The following ARB2A variants were observed in gnomAD, a reference collection of about 807,000 sequenced individuals.
The protein encoded by ARB2A is cotranscriptional regulator ARB2A.
the ARB2A span, chr5:93,804,918 G>A: frequency 2.1e-6 from 2 of 955,476 alleles, no homozygotes; most frequent in Non-Finnish European, 2.5e-6. Flanking sequence ...TAAGTAACCA[G>A]AGATATATAA....
the ARB2A span, among the ~76,000 whole-genome samples, chr5:93,911,652 A>C: frequency 6.6e-6 from 1 of 151,552 alleles, no homozygotes; most frequent in African/African-American, 2.4e-5. Context: ...ACACACACAC[A>C]CATACACACA....
the ARB2A span, among the ~76,000 whole-genome samples, chr5:93,820,500 T>G: frequency 6.6e-6 from 1 of 152,218 alleles, no homozygotes; most frequent in African/African-American, 2.4e-5. Context: ...TGAGCCTGAA[T>G]TTTTTAAAAC....
the ARB2A span, among the ~76,000 whole-genome samples, chr5:94,078,896 T>C: frequency 1.3e-5 from 2 of 151,962 alleles, no homozygotes; most frequent in Non-Finnish European, 2.9e-5. Flanking sequence ...ATTATGAAGA[T>C]TACATGAAAA....
the ARB2A span, among the ~76,000 whole-genome samples, chr5:93,886,759 G>A: frequency 2.0e-5 from 3 of 151,650 alleles, no homozygotes; most frequent in African/African-American, 7.3e-5. Flanking sequence ...ACTGAAACGC[G>A]TGAAATGTCA....
At chr5:94,062,573 A>G in the ARB2A span, among the ~76,000 whole-genome samples, 1 of 152,130 alleles carries the variant, frequency 6.6e-6, no homozygotes, top group Non-Finnish European at 1.5e-5. Context: ...CTAGCCATGC[A>G]AGAGCTCCTC....
the ARB2A span, among the ~76,000 whole-genome samples, chr5:93,966,399 C>A: frequency 1.3e-5 from 2 of 152,014 alleles, no homozygotes; most frequent in African/African-American, 4.8e-5. Flanking sequence ...ACAGCTCTTA[C>A]TAGGTACATC....
At chr5:94,008,746 A>G in the ARB2A span, among the ~76,000 whole-genome samples, 1 of 152,130 alleles carries the variant, frequency 6.6e-6, no homozygotes, top group African/African-American at 2.4e-5. Flanking sequence ...GCTTTTCTTC[A>G]CACAAAAATA....
At chr5:93,991,480 T>C in the ARB2A span, among the ~76,000 whole-genome samples, 1 of 151,634 alleles carries the variant, frequency 6.6e-6, no homozygotes. Context: ...CCAGAAGTGA[T>C]AGAGATTATG....
the ARB2A span, among the ~76,000 whole-genome samples, chr5:93,885,955 T>C: frequency 6.6e-6 from 1 of 151,718 alleles, no homozygotes; most frequent in African/African-American, 2.4e-5. Flanking sequence ...CAGAGAGATC[T>C]AAAACAAACA....
chr5:93,793,401 G>A, the ARB2A span, among the ~76,000 whole-genome samples: 1 of 151,784 alleles, frequency 6.6e-6, no homozygotes, highest in African/African-American at 2.4e-5. Context: ...TTTAACTCCA[G>A]ATCCCGTCTT....
At chr5:93,861,607 T>A in the ARB2A span, 4 of 152,290 alleles carry the variant, frequency 2.6e-5, no homozygotes, top group Non-Finnish European at 4.4e-5. Flanking sequence ...AGGTACTTTT[T>A]CTTTAACGTC....
At chr5:93,860,174 T>A in the ARB2A span, among the ~76,000 whole-genome samples, 1 of 152,024 alleles carries the variant, frequency 6.6e-6, no homozygotes, top group Admixed American at 6.6e-5. Flanking sequence ...ACACCTGTAA[T>A]CCCAGCTACT....
the ARB2A span, among the ~76,000 whole-genome samples, chr5:93,901,047 G>A: frequency 1.5e-4 from 23 of 152,186 alleles, no homozygotes; most frequent in South Asian, 4.6e-3. Context: ...AGTAGGTCTG[G>A]TTCCTTCTCC....
chr5:94,073,845 C>G, the ARB2A span, among the ~76,000 whole-genome samples: 1 of 152,112 alleles, frequency 6.6e-6, no homozygotes, highest in Non-Finnish European at 1.5e-5. Context: ...GCTTTCATTT[C>G]TATTTATTGA....
the ARB2A span, among the ~76,000 whole-genome samples, chr5:93,715,213 G>A: frequency 6.6e-6 from 1 of 152,146 alleles, no homozygotes; most frequent in East Asian, 1.9e-4. Context: ...GTACAAACGT[G>A]AGGACAGCAA....
the ARB2A span, among the ~76,000 whole-genome samples, chr5:93,854,332 T>G: frequency 6.6e-6 from 1 of 152,184 alleles, no homozygotes; most frequent in African/African-American, 2.4e-5. Context: ...TTGCACCTAT[T>G]TGAGTCTTCT....
At chr5:93,842,390 A>G in the ARB2A span, among the ~76,000 whole-genome samples, 6 of 152,216 alleles carry the variant, frequency 3.9e-5, no homozygotes, top group Non-Finnish European at 5.9e-5. Context: ...AAGTAGTTTA[A>G]GAAAAAATTT....
the ARB2A span, among the ~76,000 whole-genome samples, chr5:93,657,293 G>A: frequency 1.3e-5 from 2 of 152,110 alleles, no homozygotes; most frequent in Non-Finnish European, 2.9e-5. Context: ...AGTTACTGTT[G>A]GTAAGATAGA....
chr5:93,708,312 G>A, the ARB2A span, among the ~76,000 whole-genome samples: 1 of 152,098 alleles, frequency 6.6e-6, no homozygotes, highest in Admixed American at 6.5e-5. Context: ...CTAGGAAGGC[G>A]ACATGTTTTC....
Sources: allele counts gnomAD v4.1 joint callset (sites outside exome capture counted in the v4.1 genomes callset), GRCh38; gene constraint gnomAD v4.1.1; transcripts MANE v1.5; gene names NCBI Gene and HGNC (gene_info 2026-07-23, HGNC 2026-07-21).